HLA-F: variants seen among roughly 807,000 people sequenced by gnomAD.
HLA-F encodes major histocompatibility complex, class I, F.
HLA-F carries 46 observed loss-of-function variants against 49.5 expected under a neutral mutation model. The observed-to-expected ratio is 0.93, with a 90% CI of 0.73 to 1.19. The LOEUF (loss-of-function observed/expected upper bound fraction) is 1.19. Among genes scored for constraint, HLA-F ranks in the 50% most tolerant of loss-of-function variants. The pLI, the probability that HLA-F is intolerant of heterozygous loss-of-function variation, is 0.00. For synonymous variants in HLA-F, 203 were observed against 233.5 expected, an observed-to-expected ratio of 0.87 and a Z score of 1.19; for missense variants, 496 against 579.6, an observed-to-expected ratio of 0.86 and a Z score of 1.48.
At chr6:29,728,113 A>T (rs767487105), downstream of HLA-F, 9 of 518,168 alleles carry the variant, frequency 1.7e-5, no homozygotes, top group African/African-American at 1.7e-4. Context: ...ATGACCAGGG[A>T]TGCTGAACAT....
chr6:29,726,549 A>G (rs1305449746), intron 6 of HLA-F: 13 of 1,479,932 alleles, frequency 8.8e-6, no homozygotes, highest in Non-Finnish European at 1.2e-5. Flanking sequence ...TTTTTATAGC[A>G]TGCACGTAAA....
At chr6:29,736,254 G>C (rs1277988261) in intron 3 of HLA-F, 1 of 364,102 alleles carries the variant, frequency 2.7e-6, no homozygotes, top group African/African-American at 2.1e-5. Context: ...GGGCCTTTTT[G>C]GGTTTTGATT....
chr6:29,724,938 A>C (rs1211375853), intron 3 of HLA-F, 93 bp from the exon 4 acceptor site: 12 of 1,410,922 alleles, frequency 8.5e-6, no homozygotes, highest in Non-Finnish European at 9.7e-6. Flanking sequence ...TCCCCACCCC[A>C]GGTGTCCTGT....
At chr6:29,728,839 G>A (rs1352198110), downstream of HLA-F, 1 of 152,096 alleles carries the variant, frequency 6.6e-6, no homozygotes, top group African/African-American at 2.4e-5. Flanking sequence ...CCTACATCAT[G>A]GGGTTCCTGG....
downstream of HLA-F, chr6:29,729,403 A>G (rs1776377327): frequency 6.6e-6 from 1 of 152,204 alleles, no homozygotes; most frequent in Non-Finnish European, 1.5e-5. Flanking sequence ...AGCTGATAGT[A>G]CCAGGAAACC....
At chr6:29,724,474 C>G in intron 3 of HLA-F, 26 bp downstream of exon 3, 1 of 1,610,218 alleles carries the variant, frequency 6.2e-7, no homozygotes, top group African/African-American at 1.3e-5. Context: ...GGCGCCTTCC[C>G]TATCTCCTGT....
intron 3 of HLA-F, among the ~76,000 whole-genome samples, chr6:29,737,225 A>AAAAAAC (rs1231402454): frequency 6.7e-6 from 1 of 149,658 alleles, no homozygotes; most frequent in Admixed American, 6.6e-5. Flanking sequence ...TGGCAAAAAA[A>AAAAAAC]AAAAAAAAAA....
In HLA-F at chr6:29,735,026, T is replaced by A. The variant is rs1415475628; in HGVS notation, c.404-3096T>A. ...CTTTTATGGCTAAATCATATTCCAT[T>A]GTAGAAATACACTACATGTTGTTTA... On this transcript the variant is annotated intron_variant, in intron 3 of 4. Coordinates refer to the HLA-F transcript ENST00000465459. The A allele has an allele frequency of 4.6e-5, 7 of 152,166 alleles. No homozygotes were observed. In the East Asian group the frequency reaches 1.3e-3, roughly 29 times the overall value. The allele number at this position is 152,166 out of a possible 1,614,324, so 9.4% of individuals were successfully genotyped here. A position where few individuals can be genotyped will look rare whatever the true frequency, so the allele number is the denominator to read the frequency against.
At chr6:29,737,346 A>G (rs1777207639) in intron 3 of HLA-F, among the ~76,000 whole-genome samples, 1 of 152,206 alleles carries the variant, frequency 6.6e-6, no homozygotes, top group Non-Finnish European at 1.5e-5. Flanking sequence ...CAAAATGCAA[A>G]GGACAGGAAA....
intron 3 of HLA-F, chr6:29,736,299 G>T: frequency 2.5e-6 from 1 of 394,032 alleles, no homozygotes; most frequent in East Asian, 7.2e-5. Context: ...TTCCAAAGCT[G>T]TTCTTGCGTT....
rs1328698576 is a variant in HLA-F at position 29,723,719 on chromosome 6, C to G, written c.126C>G (p.Arg42=). ...AVSRPGRGEP[R]YIAVEYVDDT... ...CGCGGCCCGGCCGCGGGGAGCCCCG[C>G]TACATCGCCGTGGAGTACGTAGACG... is the stretch of plus-strand genomic sequence containing the variant. The change falls in exon 2 of 7, where the codon CGC becomes CGG. Residue 42 remains arginine (R), a synonymous_variant. Transcript: ENST00000259951. The G allele has an allele frequency of 6.2e-7, 1 of 1,612,016 alleles. No homozygotes were observed. Among genetic ancestry groups the G allele is most frequent in the East Asian group, 2.2e-5 (1 of 44,872 alleles).
chr6:29,734,697 C>T (rs1313661703), intron 3 of HLA-F, among the ~76,000 whole-genome samples: 2 of 152,144 alleles, frequency 1.3e-5, no homozygotes, highest in Non-Finnish European at 2.9e-5. Context: ...ACCCATTGTA[C>T]AATAGGTGTA....
At chr6:29,729,922 G>A (rs1346987010), downstream of HLA-F, among the ~76,000 whole-genome samples, 1 of 152,216 alleles carries the variant, frequency 6.6e-6, no homozygotes, top group East Asian at 1.9e-4. Flanking sequence ...CCAAGTGTTG[G>A]CGAAGATGTG....
chr6:29,729,705 A>G (rs1395727254), downstream of HLA-F, among the ~76,000 whole-genome samples: 1 of 152,232 alleles, frequency 6.6e-6, no homozygotes, highest in Non-Finnish European at 1.5e-5. Context: ...AGAGAGTTAA[A>G]AGAAAATGCA....
Position 29,725,072 on chromosome 6 carries a change from C to A in HLA-F, c.652C>A (p.His218Asn). 6.2e-7 allele frequency: 1 copy of A among 1,614,002 alleles called. No individual in the cohort carries two copies. Among genetic ancestry groups the A allele is most frequent in the Non-Finnish European group, 8.5e-7 (1 of 1,179,882 alleles). ...AHVAHHPISDHEATLRCWALG... is the reference protein window; with the variant it reads ...AHVAHHPISDNEATLRCWALG... Reference sequence around the variant, plus strand: ...CGTTGCCCACCACCCCATCTCTGACCATGAGGCCACCCTGAGGTGCTGGGC... The same window carrying A: ...CGTTGCCCACCACCCCATCTCTGACAATGAGGCCACCCTGAGGTGCTGGGC... Residue 218 changes from histidine (H) to asparagine (N), a missense_variant, in exon 4 of 7, where the codon CAT (histidine) becomes AAT (asparagine). Coordinates refer to ENST00000259951, the MANE Select transcript of HLA-F (RefSeq NM_001098479.2).
downstream of HLA-F, among the ~76,000 whole-genome samples, chr6:29,729,957 G>A (rs972922967): frequency 6.6e-6 from 1 of 152,230 alleles, no homozygotes; most frequent in Non-Finnish European, 1.5e-5. Context: ...CTTGTACACT[G>A]CTGGTGAGAG....
chr6:29,726,619 T>TCACCATTAAAAG, intron 6 of HLA-F: 1 of 1,513,798 alleles, frequency 6.6e-7, no homozygotes, highest in South Asian at 1.2e-5. Flanking sequence ...AAGATTCTTT[T>TCACCATTAAAAG]AATGGTGAAA....
intron 3 of HLA-F, among the ~76,000 whole-genome samples, chr6:29,732,964 G>T (rs1281319921): frequency 6.6e-6 from 1 of 151,964 alleles, no homozygotes; most frequent in Non-Finnish European, 1.5e-5. Context: ...GAGGCAGGTG[G>T]ATCACTTGAG....
At chr6:29,737,364 A>G (rs2127602018) in intron 3 of HLA-F, among the ~76,000 whole-genome samples, 1 of 152,338 alleles carries the variant, frequency 6.6e-6, no homozygotes, top group African/African-American at 2.4e-5. Flanking sequence ...AAACTACCAG[A>G]CAATATAAAT....
Sources: gnomAD v4.1 joint callset for allele counts (sites outside exome capture counted in the v4.1 genomes callset) on GRCh38, gnomAD v4.1.1 for gene constraint, MANE v1.5 for transcripts, NCBI Gene and HGNC (gene_info 2026-07-23, HGNC 2026-07-21) for gene names.